The following IL4R variants were observed in gnomAD, a reference collection of about 807,000 sequenced individuals.
IL4R encodes interleukin-4 receptor subunit alpha.
IL4R carries 17 observed loss-of-function variants against 41.5 expected under a neutral mutation model. The observed-to-expected ratio is 0.41, with a 90% CI of 0.28 to 0.61. The LOEUF (loss-of-function observed/expected upper bound fraction) is 0.61. Among genes scored for constraint, IL4R ranks in the 20% least tolerant of loss-of-function variants. The probability of loss-of-function intolerance (pLI) is 0.31; values close to 1 mark genes in which losing one functional copy is unlikely to be tolerated. For synonymous variants in IL4R, 402 were observed against 422.9 expected, an observed-to-expected ratio of 0.95 and a Z score of 0.61; for missense variants, 974 against 1,043.1, an observed-to-expected ratio of 0.93 and a Z score of 0.91.
Position 27,360,870 on chromosome 16 carries a change from G to A in IL4R, c.899+55G>A, listed in dbSNP as rs566962057. 19 of 1,614,018 alleles carry A rather than the reference G, an allele frequency of 1.2e-5. No individual in the cohort carries two copies. In the South Asian group the frequency reaches 2.0e-4, roughly 17 times the overall value. On this transcript the variant is annotated intron_variant, in intron 10 of 10. Coordinates refer to ENST00000395762, the MANE Select transcript of IL4R (RefSeq NM_000418.4). ...CATGCATTGGGAAGGTGATAGAATT[G>A]GAGAGGCAAGCCCCTAGCTCCATGT... is the stretch of plus-strand genomic sequence containing the variant.
At chr16:27,349,085 G>A (rs1010262402) in intron 6 of IL4R, among the ~76,000 whole-genome samples, 11 of 152,192 alleles carry the variant, frequency 7.2e-5, no homozygotes, top group African/African-American at 2.2e-4. Flanking sequence ...CCCTTCCCAA[G>A]AACAGAGCTG....
intron 1 of IL4R, among the ~76,000 whole-genome samples, chr16:27,326,044 A>G (rs577104486): frequency 3.3e-5 from 5 of 152,252 alleles, no homozygotes; most frequent in Admixed American, 3.3e-4. Flanking sequence ...ACACAGATCT[A>G]GAATTCAGCC....
intron 8 of IL4R, among the ~76,000 whole-genome samples, chr16:27,357,589 G>A (rs775773761): frequency 6.6e-6 from 1 of 151,970 alleles, no homozygotes; most frequent in African/African-American, 2.4e-5. Flanking sequence ...TTAGCCTCCC[G>A]ACTAGCTGGG....
At chr16:27,321,933 T>A (rs1173791666) in intron 1 of IL4R, among the ~76,000 whole-genome samples, 1 of 152,186 alleles carries the variant, frequency 6.6e-6, no homozygotes, top group East Asian at 1.9e-4. Context: ...GTGGTTCCTA[T>A]AATATCAGTG....
At chr16:27,351,956 T>C (rs1056535004) in intron 6 of IL4R, among the ~76,000 whole-genome samples, 3 of 152,210 alleles carry the variant, frequency 2.0e-5, no homozygotes, top group Admixed American at 6.5e-5. Flanking sequence ...GGGCAGAGCA[T>C]TGGATTCTAG....
At chr16:27,324,094 G>A (rs2084889733) in intron 1 of IL4R, among the ~76,000 whole-genome samples, 1 of 152,206 alleles carries the variant, frequency 6.6e-6, no homozygotes, top group Non-Finnish European at 1.5e-5. Context: ...TGAAGGAAGA[G>A]GGGACACGTG....
chr16:27,351,353 CCCATCA>C (rs1007970342), intron 6 of IL4R, among the ~76,000 whole-genome samples: 1 of 152,100 alleles, frequency 6.6e-6, no homozygotes, highest in African/African-American at 2.4e-5. Flanking sequence ...CTCTATATAT[CCCATCA>C]CCTTTACCAT....
chr16:27,321,404 C>T (rs112679802), intron 1 of IL4R, among the ~76,000 whole-genome samples: 91 of 152,292 alleles, frequency 6.0e-4, no homozygotes, highest in African/African-American at 2.1e-3. Flanking sequence ...GTTTGGCCTG[C>T]CTTGGCACAT....
chr16:27,349,828 C>T (rs2085800371), intron 6 of IL4R, among the ~76,000 whole-genome samples: 1 of 152,216 alleles, frequency 6.6e-6, no homozygotes, highest in Non-Finnish European at 1.5e-5. Flanking sequence ...TGGCTCACTG[C>T]ATCCTTGACT....
chr16:27,352,394 A>C, intron 6 of IL4R, 146 bp from the exon 7 acceptor site: 1 of 629,814 alleles, frequency 1.6e-6, no homozygotes. Context: ...AGAGGTGGCA[A>C]GCAATGGCCT....
At chr16:27,322,302 G>A (rs746312845) in intron 1 of IL4R, among the ~76,000 whole-genome samples, 3 of 151,914 alleles carry the variant, frequency 2.0e-5, no homozygotes, top group Non-Finnish European at 2.9e-5. Context: ...GCATTTTCCC[G>A]AGTAGCTGGG....
Position 27,364,616 on chromosome 16 carries a change from C to G in IL4R, c.*786C>G, listed in dbSNP as rs1159342778. On this transcript the variant is annotated 3_prime_UTR_variant, in exon 11 of 11. Coordinates refer to ENST00000395762, the MANE Select transcript of IL4R (RefSeq NM_000418.4). Reference sequence around the variant, plus strand: ...CAGCAGGCATAAGGCACCAGTTACCCTGCATGTTGGCCCAGACCTCAGGTG... The same window carrying G: ...CAGCAGGCATAAGGCACCAGTTACCGTGCATGTTGGCCCAGACCTCAGGTG... 6.6e-6 allele frequency: 1 copy of G among 152,216 alleles called. No homozygotes were observed. The highest frequency in any genetic ancestry group is 1.5e-5 in the Non-Finnish European group (1 of 68,050). 9.4% of individuals were successfully genotyped at this position (152,216 alleles called of 1,614,324 possible).
At chr16:27,356,011 C>T (rs768548386) in intron 8 of IL4R, 104 bp downstream of exon 8, 28 of 734,120 alleles carry the variant, frequency 3.8e-5, no homozygotes, top group Middle Eastern at 2.4e-4. Context: ...GTCAATAATA[C>T]GCATTTACTG....
chr16:27,344,972 G>A lies in IL4R; in HGVS notation c.313G>A (p.Ala105Thr). The A allele has an allele frequency of 1.2e-6, 2 of 1,614,026 alleles. No homozygotes were observed. The change falls in exon 5 of 11, where the codon GCT becomes ACT. Residue 105 changes from alanine to threonine, a missense_variant. Coordinates refer to ENST00000395762, the MANE Select transcript of IL4R (RefSeq NM_000418.4). ...SADNYTLDLW[A>T]GQQLLWKGSF... ...GGATAACTATACACTGGACCTGTGG[G>A]CTGGGCAGCAGCTGCTGTGGAAGGG...
Position 27,362,973 on chromosome 16 carries a change from A to C in IL4R, c.1621A>C (p.Thr541Pro). The C allele has an allele frequency of 1.9e-6, 3 of 1,614,084 alleles. No homozygotes were observed. The highest frequency in any genetic ancestry group is 2.5e-6 in the Non-Finnish European group (3 of 1,180,008). The change falls in exon 11 of 11, where the codon ACT (threonine) becomes CCT (proline). Residue 541 changes from threonine (T) to proline (P), a missense_variant. By Grantham distance (38) the Thr-to-Pro change is conservative (BLOSUM62 -1). Transcript: ENST00000395762. ...PCVPQLSEPT[T>P]VPQPEPETWE... ...TGTCCCCCAGCTCTCTGAGCCAACC[A>C]CTGTGCCCCAACCTGAGCCAGAAAC...
At chr16:27,349,316 A>G (rs1215709720) in intron 6 of IL4R, among the ~76,000 whole-genome samples, 1 of 152,230 alleles carries the variant, frequency 6.6e-6, no homozygotes, top group African/African-American at 2.4e-5. Flanking sequence ...ATAGGCACCA[A>G]CTGTGGCTCA....
intron 1 of IL4R, among the ~76,000 whole-genome samples, chr16:27,327,351 T>C (rs1271274870): frequency 6.6e-6 from 1 of 151,838 alleles, no homozygotes; most frequent in Non-Finnish European, 1.5e-5. Flanking sequence ...TCGGGAAGAG[T>C]CCTGCTGGGT....
intron 1 of IL4R, among the ~76,000 whole-genome samples, chr16:27,314,385 C>T (rs1020250262): frequency 6.6e-6 from 1 of 152,228 alleles, no homozygotes; most frequent in Non-Finnish European, 1.5e-5. Context: ...CTCAGGAAGT[C>T]AGTGAGGACT....
At position 27,331,441 on chromosome 16, in the gene IL4R, A is replaced by G. The variant is rs142993233; in HGVS notation, c.-19+1243A>G. ...TGGAGAAAATAATATTACCTATTTC[A>G]TAGATTATTAAATGCATTCTTGTAT... On this transcript the variant is annotated intron_variant, in intron 2 of 10. Coordinates refer to ENST00000395762, the MANE Select transcript of IL4R (RefSeq NM_000418.4). 2.2e-4 allele frequency among the ~76,000 whole-genome samples: 34 copies of G among 152,274 alleles called. No individual in the cohort carries two copies. The East Asian group carries it at 5.8e-3, about 26-fold the overall frequency.
Sources: gnomAD v4.1 joint callset for allele counts (sites outside exome capture counted in the v4.1 genomes callset) on GRCh38, gnomAD v4.1.1 for gene constraint, MANE v1.5 for transcripts, NCBI Gene and HGNC (gene_info 2026-07-23, HGNC 2026-07-21) for gene names.